DMGDH: variants seen among roughly 807,000 people sequenced by gnomAD.
DMGDH encodes the protein dimethylglycine dehydrogenase.
Under a neutral mutation model 95.2 loss-of-function variants are expected in DMGDH, and 76 were observed. That is an observed-to-expected ratio of 0.80 (90% CI 0.66 to 0.97). The LOEUF (loss-of-function observed/expected upper bound fraction) is 0.97. Among genes scored for constraint, DMGDH ranks in the 50% least tolerant of loss-of-function variants. The pLI is 0.00. For missense variants in DMGDH, 987 were observed against 1,055.0 expected (o/e 0.94, Z 0.89); for synonymous variants, 345 against 377.6 (o/e 0.91, Z 1.00).
At chr5:79,004,732 A>T (rs926206132) in intron 15 of DMGDH, among the ~76,000 whole-genome samples, 2 of 152,250 alleles carry the variant, frequency 1.3e-5, no homozygotes, top group African/African-American at 4.8e-5. Flanking sequence ...AAATAGAAAG[A>T]ATAAAAAGTA....
At chr5:79,033,621 C>G (rs1281167560) in intron 7 of DMGDH, among the ~76,000 whole-genome samples, 1 of 152,146 alleles carries the variant, frequency 6.6e-6, no homozygotes, top group African/African-American at 2.4e-5. Flanking sequence ...AGTTTATTTA[C>G]AGTTTCAAGA....
intron 15 of DMGDH, among the ~76,000 whole-genome samples, chr5:79,003,967 T>A (rs550565226): frequency 9.9e-5 from 15 of 151,272 alleles, no homozygotes; most frequent in Non-Finnish European, 2.2e-4. Flanking sequence ...AATAAATAAA[T>A]AAAAATAAAA....
chr5:79,068,042 C>G (rs574792399), intron 1 of DMGDH, among the ~76,000 whole-genome samples: 1 of 152,244 alleles, frequency 6.6e-6, no homozygotes, highest in African/African-American at 2.4e-5. Context: ...CTCAGCCTCC[C>G]AAGCAGCTTG....
chr5:78,999,030 G>T (rs1373559247), intron 15 of DMGDH, among the ~76,000 whole-genome samples: 1 of 152,184 alleles, frequency 6.6e-6, no homozygotes, highest in Admixed American at 6.5e-5. Flanking sequence ...ATATAGCCCT[G>T]CTCAAAATGG....
chr5:79,027,942 G>A (rs1300913342), intron 12 of DMGDH, among the ~76,000 whole-genome samples: 1 of 151,040 alleles, frequency 6.6e-6, no homozygotes, highest in Non-Finnish European at 1.5e-5. Context: ...CCGAGTTCAA[G>A]CAAATCTCCT....
At chr5:79,009,634 AC>A (rs1301990766) in intron 14 of DMGDH, among the ~76,000 whole-genome samples, 6 of 152,140 alleles carry the variant, frequency 3.9e-5, no homozygotes, top group Non-Finnish European at 5.9e-5. Flanking sequence ...TGCTGGGATT[AC>A]AGGTTTACAG....
chr5:79,003,811 G>A (rs1753496612), intron 15 of DMGDH, among the ~76,000 whole-genome samples: 1 of 152,118 alleles, frequency 6.6e-6, no homozygotes, highest in African/African-American at 2.4e-5. Context: ...GCCAAGCATG[G>A]TGGCACGCAC....
rs1421023053 is a variant in DMGDH, at chr5:79,030,858, T to C, written c.1658A>G (p.His553Arg). The change falls in exon 10 of 16, where the codon CAT (histidine) becomes CGT (arginine). Residue 553 changes from histidine to arginine, a missense_variant. Coordinates refer to ENST00000255189, the MANE Select transcript of DMGDH (RefSeq NM_013391.3). The part of the protein sequence containing the change: ...KGQDSIRLLD[H>R]LFANVIPKVG... The stretch of plus-strand genomic sequence containing the variant: ...CTTTGGAATGACATTTGCAAAGAGA[T>C]GGTCCAGTAGTCTAATGGAATCTTG... The C allele has an allele frequency of 6.2e-7, 1 of 1,614,080 alleles. No homozygotes were observed.
intron 14 of DMGDH, among the ~76,000 whole-genome samples, chr5:79,012,693 C>T (rs1004278430): frequency 1.3e-5 from 2 of 152,260 alleles, no homozygotes; most frequent in African/African-American, 4.8e-5. Context: ...TGTGCACCCA[C>T]AGGCTTAATA....
intron 7 of DMGDH, among the ~76,000 whole-genome samples, chr5:79,036,970 G>T (rs780855334): frequency 4.6e-5 from 7 of 151,964 alleles, no homozygotes; most frequent in Non-Finnish European, 8.8e-5. Context: ...TCATGATAGG[G>T]TTAGTGTCCT....
chr5:79,002,070 AT>A (rs1753462008), intron 15 of DMGDH, among the ~76,000 whole-genome samples: 1 of 152,162 alleles, frequency 6.6e-6, no homozygotes, highest in African/African-American at 2.4e-5. Context: ...AATAATTCTC[AT>A]TTATTTTTAG....
At chr5:79,021,408 C>T in intron 14 of DMGDH, 1 of 1,186,266 alleles carries the variant, frequency 8.4e-7, no homozygotes, top group South Asian at 1.6e-5. Context: ...TAAATGTCTA[C>T]TAGATGAACG....
chr5:79,048,861 G>GAGAAAA (rs938527207), intron 5 of DMGDH, among the ~76,000 whole-genome samples: 2 of 150,282 alleles, frequency 1.3e-5, no homozygotes, highest in Non-Finnish European at 3.0e-5. Flanking sequence ...CCCGATGGAA[G>GAGAAAA]AGAAAAAGAA....
chr5:79,024,266 C>T lies in DMGDH; in HGVS notation c.2250+5G>A. 1 of 1,612,090 alleles carries T rather than the reference C, an allele frequency of 6.2e-7. No individual in the cohort carries two copies. Among genetic ancestry groups the T allele is most frequent in the Non-Finnish European group, 8.5e-7 (1 of 1,178,376 alleles). ...CTTCAAGCACACTTTGGAATGTAAA[C>T]ATACCTTATTTAACTTCACAAAATA... On this transcript the variant is annotated splice_donor_5th_base_variant and intron_variant, in intron 14 of 15. Coordinates refer to ENST00000255189, the MANE Select transcript of DMGDH (RefSeq NM_013391.3).
chr5:79,035,334 C>T (rs1754319193), intron 7 of DMGDH, among the ~76,000 whole-genome samples: 1 of 152,166 alleles, frequency 6.6e-6, no homozygotes, highest in African/African-American at 2.4e-5. Context: ...TCTACCAACA[C>T]TGAGTGCCTC....
chr5:79,028,249 G>A (rs1487462258), intron 12 of DMGDH, among the ~76,000 whole-genome samples, 184 bp downstream of exon 12: 1 of 152,088 alleles, frequency 6.6e-6, no homozygotes, highest in East Asian at 1.9e-4. Flanking sequence ...AGACAGACTA[G>A]ACATAAGAGC....
Position 79,069,557 on chromosome 5 carries a change from A to G in DMGDH, c.64T>C (p.Ser22Pro). 2 of 1,326,606 alleles carry G rather than the reference A, an allele frequency of 1.5e-6. No homozygotes were observed. Among genetic ancestry groups the G allele is most frequent in the African/African-American group, 1.5e-5 (1 of 65,552 alleles). 82.2% of individuals were successfully genotyped at this position (1,326,606 alleles called of 1,614,324 possible). The change falls in exon 1 of 16, where the codon TCC (serine) becomes CCC (proline). Residue 22 changes from serine (S) to proline (P), a missense_variant. Coordinates refer to ENST00000255189, the MANE Select transcript of DMGDH (RefSeq NM_013391.3). Reference protein sequence around the residue: ...LLLRSCPLQGSPGRPRSVCGR... With the variant: ...LLLRSCPLQGPPGRPRSVCGR... ...CAGACAGAGCGCGGGCGCCCGGGGG[A>G]GCCCTGCAGCGGGCAGCTCCGCAGC...
intron 14 of DMGDH, among the ~76,000 whole-genome samples, chr5:79,022,744 GA>G (rs1348479021): frequency 1.3e-5 from 2 of 152,128 alleles, no homozygotes; most frequent in African/African-American, 4.8e-5. Context: ...AAAGATATTT[GA>G]AAATCCCATT....
chr5:79,046,809 A>T (rs897881653), intron 5 of DMGDH, among the ~76,000 whole-genome samples: 1 of 152,214 alleles, frequency 6.6e-6, no homozygotes, highest in Non-Finnish European at 1.5e-5. Flanking sequence ...AAAAATCAAA[A>T]TTTTTAGCTA....
Sources: allele counts gnomAD v4.1 joint callset (sites outside exome capture counted in the v4.1 genomes callset), GRCh38; gene constraint gnomAD v4.1.1; transcripts MANE v1.5; gene names NCBI Gene and HGNC (gene_info 2026-07-23, HGNC 2026-07-21).